DACH2: variants seen among roughly 807,000 people sequenced by gnomAD.
DACH2 encodes dachshund homolog 2.
In DACH2, 17 loss-of-function variants were observed where a neutral mutation model predicts 35.8. That is an observed-to-expected ratio of 0.48 (90% CI 0.33 to 0.71). The LOEUF is 0.71. Among genes scored for constraint, DACH2 ranks in the 30% least tolerant of loss-of-function variants. The pLI, the probability that DACH2 is intolerant of heterozygous loss-of-function variation, is 0.02. For synonymous variants in DACH2, 195 were observed against 177.3 expected (o/e 1.10, Z -0.79); for missense variants, 469 against 472.7 (o/e 0.99, Z 0.07).
At chrX:86,512,247 A>T (rs766095545) in intron 2 of DACH2, among the ~76,000 whole-genome samples, 15 of 111,039 alleles carry the variant, frequency 1.4e-4, no homozygotes, top group Non-Finnish European at 2.3e-4. Flanking sequence ...CCTGGATTTT[A>T]TAACATGGGG....
chrX:86,502,039 CTTCCTTCCTTCCTTCT>C, intron 2 of DACH2, among the ~76,000 whole-genome samples: 1 of 108,240 alleles, frequency 9.2e-6, no homozygotes, highest in East Asian at 2.9e-4. Context: ...TCCTTCCTTC[CTTCCTTCCTTCCTTCT>C]TTCTTTCCTT....
intron 2 of DACH2, among the ~76,000 whole-genome samples, chrX:86,379,205 A>T (rs964793174): frequency 9.0e-6 from 1 of 111,586 alleles, no homozygotes. Flanking sequence ...ATTTTTACAA[A>T]TGGTTAAAAT....
intron 2 of DACH2, among the ~76,000 whole-genome samples, chrX:86,417,728 C>G (rs1269060214): frequency 2.7e-5 from 3 of 111,225 alleles, no homozygotes; most frequent in Non-Finnish European, 5.7e-5. Flanking sequence ...CACCTGGTCC[C>G]TCCCAAATAT....
chrX:86,631,300 A>G lies in DACH2; in HGVS notation c.641-19736A>G, dbSNP rs184652065. Among the ~76,000 whole-genome samples the G allele has an allele frequency of 1.9e-3, 211 of 112,147 alleles. 1 individual carries two copies. The highest frequency in any genetic ancestry group is 3.3e-3 in the Non-Finnish European group (173 of 53,214). The stretch of plus-strand genomic sequence containing the variant: ...GCATCTACTGAAAATAAACCCAAAT[A>G]CTACCTCTATTTGGAAAGATTTGCA... On this transcript the variant is annotated intron_variant, in intron 3 of 11. Transcript: ENST00000373125.
chrX:86,592,770 T>C (rs917472551), intron 3 of DACH2, among the ~76,000 whole-genome samples: 10 of 111,898 alleles, frequency 8.9e-5, no homozygotes, highest in Non-Finnish European at 1.9e-4. Flanking sequence ...AGTTATTTCA[T>C]TTTTGGTGCG....
intron 1 of DACH2, among the ~76,000 whole-genome samples, chrX:86,200,739 C>A (rs1439890248): frequency 2.8e-5 from 3 of 108,145 alleles, no homozygotes; most frequent in Non-Finnish European, 5.7e-5. Flanking sequence ...AAATGAGATA[C>A]CATCTCATAC....
intron 2 of DACH2, among the ~76,000 whole-genome samples, chrX:86,426,307 T>A (rs1374742553): frequency 9.0e-6 from 1 of 111,350 alleles, no homozygotes; most frequent in East Asian, 2.8e-4. Flanking sequence ...GTGTCCTCTC[T>A]CTTCTTTGGT....
intron 3 of DACH2, among the ~76,000 whole-genome samples, chrX:86,587,278 C>G (rs761137906): frequency 1.4e-3 from 159 of 111,740 alleles, no homozygotes; most frequent in African/African-American, 4.9e-3. Context: ...TGAAACTTTG[C>G]TGAAGTTATT....
chrX:86,428,929 C>T (rs775695227), intron 2 of DACH2, among the ~76,000 whole-genome samples: 38 of 111,178 alleles, frequency 3.4e-4, no homozygotes, highest in African/African-American at 1.2e-3. Context: ...GACTTAACTG[C>T]AATAAAATTG....
chrX:86,161,379 G>C, intron 1 of DACH2: 3 of 937,442 alleles, frequency 3.2e-6, no homozygotes, highest in Non-Finnish European at 4.2e-6. Context: ...AGTCATTACA[G>C]GTGTTAGCAG....
At chrX:86,226,616 A>C (rs2032829234) in intron 1 of DACH2, among the ~76,000 whole-genome samples, 1 of 111,896 alleles carries the variant, frequency 8.9e-6, no homozygotes, top group African/African-American at 3.2e-5. Context: ...TTTTTGCAAG[A>C]GAAAAATACT....
chrX:86,574,399 A>G (rs1185884029), intron 3 of DACH2, among the ~76,000 whole-genome samples: 1 of 111,274 alleles, frequency 9.0e-6, no homozygotes, highest in Non-Finnish European at 1.9e-5. Flanking sequence ...AGCCTGCCTG[A>G]CCCTCCATTA....
chrX:86,171,763 C>G (rs777933092), intron 1 of DACH2, among the ~76,000 whole-genome samples: 3 of 111,705 alleles, frequency 2.7e-5, no homozygotes, highest in Non-Finnish European at 3.8e-5. Flanking sequence ...GGACTTTTTT[C>G]TATCTCTTCG....
At chrX:86,383,670 A>G (rs1052629407) in intron 2 of DACH2, among the ~76,000 whole-genome samples, 1 of 105,212 alleles carries the variant, frequency 9.5e-6, no homozygotes, top group Non-Finnish European at 2.0e-5. Context: ...TGAGCAAGTC[A>G]TTTACATGCT....
intron 1 of DACH2, among the ~76,000 whole-genome samples, chrX:86,329,910 C>T (rs1001383064): frequency 5.4e-5 from 6 of 111,478 alleles, no homozygotes; most frequent in Non-Finnish European, 9.4e-5. Context: ...TTCAGGAACT[C>T]TCTTAGGATA....
At chrX:86,342,636 A>G (rs1317295104) in intron 1 of DACH2, among the ~76,000 whole-genome samples, 1 of 109,107 alleles carries the variant, frequency 9.2e-6, no homozygotes, top group African/African-American at 3.3e-5. Context: ...ACAAAACCCC[A>G]TTTCTACTAA....
In DACH2 at chrX:86,161,929, AAG is replaced by A. The variant is rs2030773793; in HGVS notation, c.488+12822_488+12823del. On this transcript the variant is annotated intron_variant, in intron 1 of 11. Coordinates refer to ENST00000373125, the MANE Select transcript of DACH2 (RefSeq NM_053281.3). ...GCTTTTATTATTCTTCCTTGTTTTA[AAG>A]TGAAAGCAAGTTTATCAAGAAAGTA... 2.7e-5 allele frequency among the ~76,000 whole-genome samples: 3 copies of A among 111,726 alleles called. No individual in the cohort carries two copies. The Admixed American group carries it at 2.9e-4, about 11-fold the overall frequency.
chrX:86,382,724 C>A (rs1215824603), intron 2 of DACH2, among the ~76,000 whole-genome samples: 1 of 110,787 alleles, frequency 9.0e-6, no homozygotes, highest in Non-Finnish European at 1.9e-5. Flanking sequence ...TTGACTATAG[C>A]ATTCCTAGAA....
At chrX:86,629,159 T>C (rs1036499901) in intron 3 of DACH2, among the ~76,000 whole-genome samples, 2 of 111,524 alleles carry the variant, frequency 1.8e-5, no homozygotes, top group African/African-American at 6.5e-5. Context: ...TTCCCAGCAT[T>C]TCAGGTAGTC....
Sources: allele counts gnomAD v4.1 joint callset (sites outside exome capture counted in the v4.1 genomes callset), GRCh38; gene constraint gnomAD v4.1.1; transcripts MANE v1.5; gene names NCBI Gene and HGNC (gene_info 2026-07-23, HGNC 2026-07-21).